The following ZNF532 variants were observed in gnomAD, a reference collection of about 807,000 sequenced individuals.
ZNF532 encodes the protein zinc finger protein 532.
In ZNF532, 22 loss-of-function variants were observed where a neutral mutation model predicts 89.3. The observed-to-expected ratio is 0.25, with a 90% CI of 0.18 to 0.35. The LOEUF (loss-of-function observed/expected upper bound fraction) is 0.35, where lower values mean the gene tolerates loss of function less well. ZNF532 is among the 10% of genes least tolerant of loss of function. ZNF532 has a pLI of 1.00. For synonymous variants in ZNF532, 606 were observed against 649.6 expected, an observed-to-expected ratio of 0.93 and a Z score of 1.02; for missense variants, 1,132 against 1,643.4, an observed-to-expected ratio of 0.69 and a Z score of 5.38.
intron 7 of ZNF532, among the ~76,000 whole-genome samples, chr18:58,973,878 G>A (rs777188957): frequency 2.0e-5 from 3 of 152,116 alleles, no homozygotes; most frequent in Non-Finnish European, 2.9e-5. Flanking sequence ...TGAAAGAAGC[G>A]AGACTCAAAG....
chr18:58,936,440 T>G lies in ZNF532; in HGVS notation c.2528+1826T>G, dbSNP rs1001921799. On this transcript the variant is annotated intron_variant, in intron 4 of 9. Coordinates refer to ENST00000591808, the MANE Select transcript of ZNF532 (RefSeq NM_001375912.1). Reference sequence around the variant, plus strand: ...CTAATAGAATGAAAGTTGATATGATTAAAGGAAATATGACTTCTTCAATTT... The same window carrying G: ...CTAATAGAATGAAAGTTGATATGATGAAAGGAAATATGACTTCTTCAATTT... Among the ~76,000 whole-genome samples the G allele has an allele frequency of 5.9e-5, 9 of 152,218 alleles. No individual in the cohort carries two copies. In the East Asian group the frequency reaches 1.7e-3, roughly 29 times the overall value.
At chr18:58,917,090 T>TG (rs755258231) in intron 2 of ZNF532, among the ~76,000 whole-genome samples, 3 of 152,224 alleles carry the variant, frequency 2.0e-5, no homozygotes, top group Non-Finnish European at 4.4e-5. Flanking sequence ...GACTGACTGC[T>TG]GCTTGCTTCA....
chr18:58,963,604 TGTG>T (rs1291099958), intron 7 of ZNF532, among the ~76,000 whole-genome samples: 8 of 6,140 alleles, frequency 1.3e-3, no homozygotes, highest in African/African-American at 1.4e-3. Flanking sequence ...AAGAAAAAAA[TGTG>T]TGTGTGTGTG....
At chr18:58,940,923 T>TACACAC (rs200614911) in intron 5 of ZNF532, among the ~76,000 whole-genome samples, 21,578 of 118,418 alleles carry the variant, frequency 0.18, 2,244 homozygotes, top group East Asian at 0.33. Flanking sequence ...TGCCATATTT[T>TACACAC]ACACACACAC....
At chr18:58,976,579 C>T (rs1167475181) in intron 7 of ZNF532, among the ~76,000 whole-genome samples, 1 of 151,692 alleles carries the variant, frequency 6.6e-6, no homozygotes, top group African/African-American at 2.4e-5. Flanking sequence ...GAGCCTTGCT[C>T]TGTCTCACAG....
upstream of ZNF532, chr18:58,863,425 GTCC>G (rs1168632018): frequency 1.2e-4 from 17 of 145,184 alleles, no homozygotes; most frequent in East Asian, 2.1e-4. Context: ...CCGCCGCCCG[GTCC>G]CGGAGCTCCC....
intron 2 of ZNF532, among the ~76,000 whole-genome samples, chr18:58,877,793 G>C (rs886921208): frequency 6.6e-6 from 1 of 152,172 alleles, no homozygotes; most frequent in Non-Finnish European, 1.5e-5. Flanking sequence ...GGAAGAATAG[G>C]GACAAGGTTG....
chr18:58,893,111 T>A (rs1247103234), intron 2 of ZNF532, among the ~76,000 whole-genome samples: 1 of 151,606 alleles, frequency 6.6e-6, no homozygotes, highest in Non-Finnish European at 1.5e-5. Context: ...CCCGAGTAGC[T>A]GGGATTACAG....
intron 7 of ZNF532, chr18:58,954,065 A>G: frequency 2.0e-6 from 2 of 981,586 alleles, no homozygotes; most frequent in Non-Finnish European, 2.4e-6. Context: ...TCACATTCAT[A>G]TTTATAGCTT....
At chr18:58,973,195 C>T (rs917424884) in intron 7 of ZNF532, among the ~76,000 whole-genome samples, 2 of 152,168 alleles carry the variant, frequency 1.3e-5, no homozygotes, top group African/African-American at 4.8e-5. Context: ...TGCTGCTTAC[C>T]GAGTTCAAGT....
At chr18:58,889,445 A>G (rs1023746614) in intron 2 of ZNF532, among the ~76,000 whole-genome samples, 21 of 152,232 alleles carry the variant, frequency 1.4e-4, no homozygotes, top group African/African-American at 1.9e-4. Flanking sequence ...CAGCACTTAT[A>G]TTAACTTGTA....
At chr18:58,972,508 G>A (rs753474408) in intron 7 of ZNF532, among the ~76,000 whole-genome samples, 9 of 152,078 alleles carry the variant, frequency 5.9e-5, no homozygotes, top group African/African-American at 9.7e-5. Flanking sequence ...TGTACCATAC[G>A]TGCTTCATTT....
chr18:58,878,260 A>G (rs1205408718), intron 2 of ZNF532, among the ~76,000 whole-genome samples: 2 of 131,704 alleles, frequency 1.5e-5, no homozygotes, highest in African/African-American at 6.2e-5. Context: ...ATCTCAAAAA[A>G]CAAAAAAAAC....
At position 58,934,830 on chromosome 18, in the gene ZNF532, C is replaced by T. The variant is rs147108570; in HGVS notation, c.2528+216C>T. Among the ~76,000 whole-genome samples the T allele has an allele frequency of 7.9e-5, 12 of 152,060 alleles. No individual in the cohort carries two copies. The East Asian group carries it at 2.3e-3, about 30-fold the overall frequency. On this transcript the variant is annotated intron_variant, in intron 4 of 9. Coordinates refer to ENST00000591808, the MANE Select transcript of ZNF532 (RefSeq NM_001375912.1). ...CCGCACAAAGTGGAGGGTCATGGGG[C>T]CTGTCCTTTTAGGCACACTCTTGCA...
intron 7 of ZNF532, among the ~76,000 whole-genome samples, chr18:58,962,891 G>T (rs1434977424): frequency 6.6e-6 from 1 of 152,104 alleles, no homozygotes; most frequent in Non-Finnish European, 1.5e-5. Context: ...GTGAGCCACC[G>T]CACCCAGCCG....
chr18:58,972,029 C>A (rs973902893), intron 7 of ZNF532, among the ~76,000 whole-genome samples: 2 of 152,122 alleles, frequency 1.3e-5, no homozygotes, highest in African/African-American at 2.4e-5. Flanking sequence ...CATGGTGAAA[C>A]CCTATCTCTA....
intron 2 of ZNF532, among the ~76,000 whole-genome samples, chr18:58,877,574 T>C (rs779838709): frequency 1.3e-5 from 2 of 152,248 alleles, no homozygotes; most frequent in African/African-American, 2.4e-5. Flanking sequence ...TAGTTGAAAT[T>C]TAGATCTTAC....
At chr18:58,921,638 A>G (rs986872131) in intron 3 of ZNF532, among the ~76,000 whole-genome samples, 5 of 152,264 alleles carry the variant, frequency 3.3e-5, no homozygotes, top group African/African-American at 9.6e-5. Flanking sequence ...TACATTTCAC[A>G]GTGGGCATCA....
At chr18:58,942,349 CCCTTCCTT>C (rs1179053195) in intron 5 of ZNF532, among the ~76,000 whole-genome samples, 973 of 42,992 alleles carry the variant, frequency 0.023, 31 homozygotes, top group Middle Eastern at 0.094. Context: ...CTCCCTCCCT[CCCTTCCTT>C]CCTTCCTTCC....
Sources: gnomAD v4.1 joint callset for allele counts (sites outside exome capture counted in the v4.1 genomes callset) on GRCh38, gnomAD v4.1.1 for gene constraint, MANE v1.5 for transcripts, NCBI Gene and HGNC (gene_info 2026-07-23, HGNC 2026-07-21) for gene names.